Variants in LEMD3 observed in about 807,000 individuals in gnomAD.
The protein encoded by LEMD3 is LEM domain containing 3.
Under a neutral mutation model 95.2 loss-of-function variants are expected in LEMD3, and 33 were observed. The observed-to-expected ratio is 0.35, with a 90% CI of 0.26 to 0.46. The LOEUF (loss-of-function observed/expected upper bound fraction) is 0.46, where lower values mean the gene tolerates loss of function less well. Among genes scored for constraint, LEMD3 ranks in the 20% least tolerant of loss-of-function variants. The pLI, the probability that LEMD3 is intolerant of heterozygous loss-of-function variation, is 1.00. For synonymous variants in LEMD3, 525 were observed against 474.6 expected (o/e 1.11, Z -1.38); for missense variants, 1,210 against 1,192.8 (o/e 1.01, Z -0.21).
chr12:65,187,245 G>T (rs1052738944), intron 1 of LEMD3, among the ~76,000 whole-genome samples: 2 of 152,042 alleles, frequency 1.3e-5, no homozygotes, highest in Admixed American at 1.3e-4. Flanking sequence ...GGCTCTTTTG[G>T]TTATAAGGAT....
chr12:65,241,714 T>G (rs1272996892), intron 9 of LEMD3, among the ~76,000 whole-genome samples: 2 of 152,224 alleles, frequency 1.3e-5, no homozygotes, highest in Admixed American at 1.3e-4. Context: ...CAGAAAATTA[T>G]GACTTTTTCC....
At chr12:65,199,570 C>G (rs1869531782) in intron 1 of LEMD3, among the ~76,000 whole-genome samples, 2 of 151,740 alleles carry the variant, frequency 1.3e-5, no homozygotes, top group African/African-American at 4.8e-5. Flanking sequence ...ATATGAATTT[C>G]TAAAAATAAG....
intron 1 of LEMD3, among the ~76,000 whole-genome samples, chr12:65,207,168 G>T (rs1869788559): frequency 6.6e-6 from 1 of 152,144 alleles, no homozygotes. Flanking sequence ...TAGGAACTCA[G>T]TAAACATAAT....
intron 1 of LEMD3, among the ~76,000 whole-genome samples, chr12:65,200,932 G>T (rs1869582192): frequency 6.6e-6 from 1 of 152,096 alleles, no homozygotes; most frequent in South Asian, 2.1e-4. Flanking sequence ...ATAGTTTTGT[G>T]TTTGATATGT....
At chr12:65,200,113 C>T (rs1327642026) in intron 1 of LEMD3, among the ~76,000 whole-genome samples, 14 of 151,826 alleles carry the variant, frequency 9.2e-5, no homozygotes, top group African/African-American at 2.4e-4. Context: ...GATTGGTCCG[C>T]TCCTGCAACT....
rs1433655101 is a variant in LEMD3, at chr12:65,240,007, A to G, written c.2000A>G (p.Tyr667Cys). 3.7e-6 allele frequency: 6 copies of G among 1,608,890 alleles called. No individual in the cohort carries two copies. The highest frequency in any genetic ancestry group is 5.1e-6 in the Non-Finnish European group (6 of 1,175,428). ...GAAGAGGAGGAAACAAGGCAGATGT[A>G]TGATATGGTGGTAAAGATTATAGGT... ...TKEEEETRQM[Y>C]DMVVKIIDVL... is the part of the protein sequence containing the mutation. Residue 667 changes from tyrosine to cysteine, a missense_variant, in exon 7 of 13, where the codon TAT becomes TGT. Physicochemically the swap from Tyr to Cys is radical, Grantham distance 194. Around this residue, in one of 2 missense-constraint regions of LEMD3, gnomAD observed 461 missense variants for 569.8 expected, o/e 0.81. Transcript: ENST00000308330.
intron 2 of LEMD3, among the ~76,000 whole-genome samples, chr12:65,213,477 T>C (rs1424905663): frequency 6.6e-6 from 1 of 152,176 alleles, no homozygotes; most frequent in Non-Finnish European, 1.5e-5. Context: ...TTCTCCTGGC[T>C]CAGCCTCCCA....
chr12:65,223,891 G>GT (rs1565794351), intron 4 of LEMD3, among the ~76,000 whole-genome samples: 1 of 126,800 alleles, frequency 7.9e-6, no homozygotes, highest in African/African-American at 3.0e-5. Flanking sequence ...TTTTACGTGT[G>GT]TTTTTTAGGC....
chr12:65,241,907 G>A (rs2136355998), intron 9 of LEMD3, among the ~76,000 whole-genome samples: 2 of 152,234 alleles, frequency 1.3e-5, no homozygotes, highest in South Asian at 4.1e-4. Context: ...AGGGTAAACA[G>A]CTAAAGCAGG....
rs576557496 is a variant in LEMD3 at position 65,170,142 on chromosome 12, G to A, written c.546G>A (p.Val182=). ...APPAPLAASE[V]TNSNSAERRK... is the part of the protein sequence containing the mutation. ...CGGCGCCCCTGGCCGCCAGCGAGGT[G>A]ACTAACAGCAACTCTGCAGAGCGAA... is the stretch of plus-strand genomic sequence containing the variant. Residue 182 remains valine (V), a synonymous_variant, in exon 1 of 13, where the codon GTG becomes GTA. Coordinates refer to ENST00000308330, the MANE Select transcript of LEMD3 (RefSeq NM_014319.5). 4.7e-6 allele frequency: 7 copies of A among 1,474,192 alleles called. No homozygotes were observed. In the Admixed American group the frequency reaches 1.4e-4, roughly 29 times the overall value. The allele number at this position is 1,474,192 out of a possible 1,614,324, so 91.3% of individuals were successfully genotyped here. A position where few individuals can be genotyped will look rare whatever the true frequency, so the allele number is the denominator to read the frequency against.
At chr12:65,206,429 A>G (rs1869766366) in intron 1 of LEMD3, among the ~76,000 whole-genome samples, 1 of 152,160 alleles carries the variant, frequency 6.6e-6, no homozygotes, top group African/African-American at 2.4e-5. Flanking sequence ...CAGGGCTTAT[A>G]TATATTTATT....
At chr12:65,175,040 AG>A (rs1488289364) in intron 1 of LEMD3, among the ~76,000 whole-genome samples, 1 of 152,154 alleles carries the variant, frequency 6.6e-6, no homozygotes, top group African/African-American at 2.4e-5. Flanking sequence ...AGGCAAAAAC[AG>A]GCTTGTGTGT....
At chr12:65,243,032 C>A (rs1326575337) in intron 9 of LEMD3, among the ~76,000 whole-genome samples, 2 of 152,134 alleles carry the variant, frequency 1.3e-5, no homozygotes, top group Non-Finnish European at 2.9e-5. Flanking sequence ...CCTTTACACA[C>A]CTCTCTTCAC....
chr12:65,239,638 A>G (rs1870872400), intron 6 of LEMD3, among the ~76,000 whole-genome samples: 1 of 152,188 alleles, frequency 6.6e-6, no homozygotes, highest in Non-Finnish European at 1.5e-5. Context: ...TAGTCGTTTT[A>G]TGCTTCAAAG....
intron 1 of LEMD3, among the ~76,000 whole-genome samples, chr12:65,177,712 G>A (rs954200098): frequency 3.3e-5 from 5 of 152,084 alleles, no homozygotes; most frequent in African/African-American, 1.2e-4. Context: ...GAAGTAACAT[G>A]TTTTAATGTC....
At chr12:65,236,722 A>T (rs1031281672) in intron 4 of LEMD3, among the ~76,000 whole-genome samples, 1 of 152,130 alleles carries the variant, frequency 6.6e-6, no homozygotes, top group African/African-American at 2.4e-5. Flanking sequence ...TATTTGATAA[A>T]TTTTTAAAAA....
chr12:65,215,883 T>A (rs962293867), intron 2 of LEMD3, 94 bp from the exon 3 acceptor site: 10 of 614,770 alleles, frequency 1.6e-5, no homozygotes, highest in Non-Finnish European at 2.8e-5. Flanking sequence ...CTTCTGTGAT[T>A]TTAAATTTAC....
At chr12:65,226,218 T>C (rs1183303377) in intron 4 of LEMD3, among the ~76,000 whole-genome samples, 1 of 152,214 alleles carries the variant, frequency 6.6e-6, no homozygotes, top group Non-Finnish European at 1.5e-5. Context: ...ATGTATGTTC[T>C]AGTCTTCTGT....
chr12:65,205,737 G>A (rs770793074), intron 1 of LEMD3, among the ~76,000 whole-genome samples: 22 of 152,006 alleles, frequency 1.4e-4, no homozygotes, highest in South Asian at 2.1e-4. Context: ...TTTGTATCTC[G>A]AAATTCAGAT....
Sources: gnomAD v4.1 joint callset for allele counts (sites outside exome capture counted in the v4.1 genomes callset) on GRCh38, gnomAD v4.1.1 for gene constraint, gnomAD v4.1.1 regional missense constraint, MANE v1.5 for transcripts, NCBI Gene and HGNC (gene_info 2026-07-23, HGNC 2026-07-21) for gene names.